NEK11: variants seen among roughly 807,000 people sequenced by gnomAD.
NEK11 encodes serine/threonine-protein kinase Nek11.
Under a neutral mutation model 80.7 loss-of-function variants are expected in NEK11, and 72 were observed. That is an observed-to-expected ratio of 0.89 (90% CI 0.74 to 1.08). NEK11 has a LOEUF of 1.08. Ranked by LOEUF, NEK11 falls within the 50% of genes least tolerant of loss-of-function variation. NEK11 has a pLI of 0.00. For missense variants in NEK11, 764 were observed against 763.6 expected (o/e 1.00, Z -0.01); for synonymous variants, 251 against 260.7 (o/e 0.96, Z 0.36).
At chr3:131,262,791 C>A (rs2108499413) in intron 16 of NEK11, among the ~76,000 whole-genome samples, 1 of 152,226 alleles carries the variant, frequency 6.6e-6, no homozygotes, top group East Asian at 1.9e-4. Flanking sequence ...TTAGGTATTT[C>A]TCCTAATGCT....
At chr3:131,255,278 T>C (rs949581595) in intron 16 of NEK11, among the ~76,000 whole-genome samples, 1 of 152,178 alleles carries the variant, frequency 6.6e-6, no homozygotes, top group Non-Finnish European at 1.5e-5. Context: ...CTTCTGTCTT[T>C]CTTACTGAGC....
chr3:131,041,548 T>G (rs965538001), intron 3 of NEK11, among the ~76,000 whole-genome samples: 1 of 152,070 alleles, frequency 6.6e-6, no homozygotes, highest in Non-Finnish European at 1.5e-5. Context: ...AAATATATAC[T>G]CACGTATATA....
intron 14 of NEK11, among the ~76,000 whole-genome samples, chr3:131,183,070 C>G (rs1035562413): frequency 2.0e-5 from 3 of 152,132 alleles, no homozygotes; most frequent in South Asian, 2.1e-4. Flanking sequence ...TTGAACAGGA[C>G]CAACCTTTGT....
chr3:131,254,691 G>T (rs984650020), intron 16 of NEK11, among the ~76,000 whole-genome samples: 26 of 152,104 alleles, frequency 1.7e-4, no homozygotes, highest in Admixed American at 1.7e-3. Flanking sequence ...CCAAGGACAT[G>T]TATAATTCTG....
chr3:131,075,786 A>C (rs2074252676), intron 3 of NEK11, among the ~76,000 whole-genome samples: 1 of 152,168 alleles, frequency 6.6e-6, no homozygotes, highest in African/African-American at 2.4e-5. Context: ...GTGATGCATA[A>C]TTGCACTGAT....
chr3:131,262,043 C>A (rs2095933182), intron 16 of NEK11, among the ~76,000 whole-genome samples: 2 of 151,422 alleles, frequency 1.3e-5, no homozygotes, highest in African/African-American at 4.9e-5. Flanking sequence ...AAATATTGAC[C>A]AACAAAATAA....
chr3:131,090,993 G>A (rs1472136298), intron 4 of NEK11, among the ~76,000 whole-genome samples: 1 of 152,158 alleles, frequency 6.6e-6, no homozygotes, highest in Non-Finnish European at 1.5e-5. Flanking sequence ...CAAGCTCCTG[G>A]CATTAAGTGA....
chr3:131,062,224 AT>A (rs2071015794), intron 3 of NEK11, among the ~76,000 whole-genome samples: 1 of 152,106 alleles, frequency 6.6e-6, no homozygotes, highest in African/African-American at 2.4e-5. Flanking sequence ...TTGTGGAGTA[AT>A]TTTCATATTG....
intron 17 of NEK11, among the ~76,000 whole-genome samples, chr3:131,296,699 T>C (rs1364067215): frequency 6.6e-6 from 1 of 152,184 alleles, no homozygotes; most frequent in Admixed American, 6.5e-5. Context: ...TTAGGGTACA[T>C]GTGCACAACG....
At chr3:131,347,548 T>C (rs1043771166) in intron 17 of NEK11, among the ~76,000 whole-genome samples, 5 of 152,288 alleles carry the variant, frequency 3.3e-5, no homozygotes, top group Non-Finnish European at 7.4e-5. Flanking sequence ...GCTTATAAAA[T>C]GAATGAGTCT....
chr3:131,188,447 G>C (rs2093675932), intron 14 of NEK11, among the ~76,000 whole-genome samples: 1 of 152,130 alleles, frequency 6.6e-6, no homozygotes, highest in African/African-American at 2.4e-5. Context: ...AGCTTCAAAA[G>C]TGGTTATCTT....
chr3:131,065,802 A>G (rs903261335), intron 3 of NEK11, among the ~76,000 whole-genome samples: 1 of 152,160 alleles, frequency 6.6e-6, no homozygotes, highest in East Asian at 1.9e-4. Flanking sequence ...GAAAAGGTGA[A>G]TTTCCCTTAT....
In NEK11 at chr3:131,115,962, C is replaced by A. The variant is rs530326822; in HGVS notation, c.455+6041C>A. The stretch of plus-strand genomic sequence containing the variant: ...TCTTTCTTTCTTTCTTTCTTTCTTT[C>A]TTTCTTTCTTTCTTTCTTTCTTTCT... On this transcript the variant is annotated intron_variant, in intron 5 of 17. Coordinates refer to ENST00000383366, the MANE Select transcript of NEK11 (RefSeq NM_024800.5). 3.1e-3 allele frequency among the ~76,000 whole-genome samples: 433 copies of A among 140,980 alleles called. 1 individual carries two copies. The highest frequency in any genetic ancestry group is 4.8e-3 in the Non-Finnish European group (312 of 64,932). The allele number at this position is 140,980 out of a possible 152,430, so 92.5% of individuals were successfully genotyped here. A position where few individuals can be genotyped will look rare whatever the true frequency, so the allele number is the denominator to read the frequency against.
intron 4 of NEK11, among the ~76,000 whole-genome samples, chr3:131,100,286 C>T (rs1387559194): frequency 6.6e-6 from 1 of 152,066 alleles, no homozygotes; most frequent in African/African-American, 2.4e-5. Context: ...GTTAAGCCAA[C>T]CTTGCATCCC....
intron 17 of NEK11, chr3:131,329,971 C>G (rs142910816): frequency 2.6e-5 from 4 of 152,402 alleles, no homozygotes; most frequent in African/African-American, 4.8e-5. Context: ...CTTACCGTGG[C>G]TGCTGAGCTG....
At chr3:131,206,388 A>G (rs575242906) in intron 14 of NEK11, among the ~76,000 whole-genome samples, 2 of 152,372 alleles carry the variant, frequency 1.3e-5, no homozygotes, top group East Asian at 3.9e-4. Context: ...TTTTAAACTT[A>G]ACAAAGGTTT....
intron 5 of NEK11, among the ~76,000 whole-genome samples, chr3:131,115,954 CTTT>C (rs1560476538): frequency 1.4e-5 from 2 of 139,364 alleles, no homozygotes; most frequent in African/African-American, 5.5e-5. Flanking sequence ...TTCTTTCTTT[CTTT>C]CTTTCTTTCT....
intron 17 of NEK11, among the ~76,000 whole-genome samples, chr3:131,279,546 T>A (rs1024636545): frequency 6.6e-6 from 1 of 152,156 alleles, no homozygotes; most frequent in African/African-American, 2.4e-5. Flanking sequence ...ACAATCAAGA[T>A]TATTATAGAA....
In NEK11 at chr3:131,349,923, C is replaced by A. The variant is rs1264035799; in HGVS notation, c.*147C>A. ...AATTCCTCATCAGAAGTACTGGCTT[C>A]TTTAGAGAGTAGTAAGCATGGCTGC... On this transcript the variant is annotated 3_prime_UTR_variant, in exon 18 of 18. Transcript: ENST00000383366. 1.6e-6 allele frequency: 1 copy of A among 638,910 alleles called. No individual in the cohort carries two copies. Among genetic ancestry groups the A allele is most frequent in the Non-Finnish European group, 2.7e-6 (1 of 369,666 alleles). The allele number at this position is 638,910 out of a possible 1,614,324, so 39.6% of individuals were successfully genotyped here.
Sources: gnomAD v4.1 joint callset for allele counts (sites outside exome capture counted in the v4.1 genomes callset) on GRCh38, gnomAD v4.1.1 for gene constraint, MANE v1.5 for transcripts, NCBI Gene and HGNC (gene_info 2026-07-23, HGNC 2026-07-21) for gene names.